Variants in ARHGEF26 observed in about 807,000 individuals in gnomAD.
ARHGEF26 encodes Rho guanine nucleotide exchange factor 26.
A neutral mutation model predicts 89.4 loss-of-function variants in ARHGEF26; 59 were observed. The ratio of observed to expected loss-of-function variants is 0.66; its 90% confidence interval spans 0.54 to 0.82. ARHGEF26 has a LOEUF of 0.82. ARHGEF26 is among the 40% of genes least tolerant of loss of function. ARHGEF26 has a pLI of 0.00. For synonymous variants in ARHGEF26, 500 were observed against 428.4 expected (o/e 1.17, Z -2.06); for missense variants, 1,234 against 1,085.6 (o/e 1.14, Z -1.92).
rs1489435575 is a variant in ARHGEF26, at chr3:154,206,941, A to G, written c.1846-10928A>G. Among the ~76,000 whole-genome samples the G allele has an allele frequency of 2.0e-5, 3 of 152,074 alleles. No individual in the cohort carries two copies. The East Asian group carries it at 5.8e-4, about 29-fold the overall frequency. On this transcript the variant is annotated intron_variant, in intron 9 of 14. Transcript: ENST00000465093. Reference sequence around the variant, plus strand: ...CAAAGACCAATGGAATAGATAGAGAAACCAAAAATAAGACCATACACCTAC... The same window carrying G: ...CAAAGACCAATGGAATAGATAGAGAGACCAAAAATAAGACCATACACCTAC...
chr3:154,150,054 A>G, intron 5 of ARHGEF26, among the ~76,000 whole-genome samples: 1 of 140,232 alleles, frequency 7.1e-6, no homozygotes. Flanking sequence ...CTTCCTGCAT[A>G]TTATTGTGTG....
At chr3:154,135,976 T>A (rs1718978276) in intron 4 of ARHGEF26, among the ~76,000 whole-genome samples, 1 of 152,198 alleles carries the variant, frequency 6.6e-6, no homozygotes, top group Admixed American at 6.5e-5. Flanking sequence ...TTGCCAGCTG[T>A]GCCCTGACCT....
rs557901822 is a variant in ARHGEF26, at chr3:154,122,945, G to A, written c.953G>A (p.Arg318His). The A allele has an allele frequency of 1.9e-6, 3 of 1,613,542 alleles. No individual in the cohort carries two copies. In the Admixed American group the frequency reaches 5.0e-5, roughly 27 times the overall value. The change falls in exon 2 of 15, where the codon CGC becomes CAC. Residue 318 changes from arginine (R) to histidine (H), a missense_variant. By Grantham distance (29) the Arg-to-His change is conservative. Coordinates refer to ENST00000465093, the MANE Select transcript of ARHGEF26 (RefSeq NM_015595.4). ...LRRGLRSTSY[R>H]RAVVSGFDFD... ...AGAGGCTTGCGGTCCACGTCTTATC[G>A]CAGGGCAGTGGTCAGTGGCTTTGAT...
chr3:154,147,314 G>A (rs925653462), intron 4 of ARHGEF26, among the ~76,000 whole-genome samples: 1 of 152,228 alleles, frequency 6.6e-6, no homozygotes, highest in Non-Finnish European at 1.5e-5. Flanking sequence ...AGGAGGCTGA[G>A]GCAGGAGAAT....
rs1351340073 is a variant in ARHGEF26 at position 154,138,940 on chromosome 3, AT to A, written c.1269+9223del. On this transcript the variant is annotated intron_variant, in intron 4 of 14. Coordinates refer to ENST00000465093, the MANE Select transcript of ARHGEF26 (RefSeq NM_015595.4). ...TCCCATAGATAAATGCATAATTACT[AT>A]TGTGGTAAAGCTGTGAATGACTTAC... 2.0e-5 allele frequency among the ~76,000 whole-genome samples: 3 copies of A among 152,290 alleles called. No homozygotes were observed. In the East Asian group the frequency reaches 5.8e-4, roughly 29 times the overall value.
intron 6 of ARHGEF26, among the ~76,000 whole-genome samples, chr3:154,185,147 T>C (rs775683161): frequency 2.6e-5 from 4 of 152,188 alleles, no homozygotes; most frequent in Non-Finnish European, 4.4e-5. Context: ...ACCATACTTC[T>C]GACACCAAAT....
chr3:154,146,596 A>T (rs1171424583), intron 4 of ARHGEF26, among the ~76,000 whole-genome samples: 1 of 152,244 alleles, frequency 6.6e-6, no homozygotes, highest in Non-Finnish European at 1.5e-5. Flanking sequence ...TGCAAAATAT[A>T]TCAGTTATAA....
In ARHGEF26 at chr3:154,121,462, C is replaced by T. The variant is rs558234837; in HGVS notation, c.-109C>T. ...CGCGGCTGCGCTTCGGTCCCGGACC[C>T]GGGCCACCCACGGGGTAGTGGGTGC... On this transcript the variant is annotated 5_prime_UTR_variant, in exon 1 of 15. Coordinates refer to ENST00000465093, the MANE Select transcript of ARHGEF26 (RefSeq NM_015595.4). 123 of 152,654 alleles carry T rather than the reference C, an allele frequency of 8.1e-4. 1 individual carries two copies. The highest frequency in any genetic ancestry group is 2.8e-3 in the African/African-American group (117 of 41,576). 9.5% of individuals were successfully genotyped at this position (152,654 alleles called of 1,614,324 possible).
At chr3:154,227,905 T>C (rs1716590537) in intron 11 of ARHGEF26, among the ~76,000 whole-genome samples, 1 of 152,196 alleles carries the variant, frequency 6.6e-6, no homozygotes, top group East Asian at 1.9e-4. Flanking sequence ...AATGAAAATA[T>C]TAAAGGTATT....
Position 154,238,783 on chromosome 3 carries a change from T to A in ARHGEF26, c.2091-1587T>A, listed in dbSNP as rs556199965. Among the ~76,000 whole-genome samples the A allele has an allele frequency of 5.0e-4, 76 of 152,322 alleles. 1 individual carries two copies. In the South Asian group the frequency reaches 6.0e-3, roughly 12 times the overall value. ...GGTGCAGAGTAGAGGAAAAGCTGTA[T>A]GTCACCAGGTTCGGGATTTGCCAGG... On this transcript the variant is annotated intron_variant, in intron 11 of 14. Coordinates refer to ENST00000465093, the MANE Select transcript of ARHGEF26 (RefSeq NM_015595.4).
At chr3:154,186,960 C>T (rs1713600333) in intron 6 of ARHGEF26, among the ~76,000 whole-genome samples, 1 of 117,962 alleles carries the variant, frequency 8.5e-6, no homozygotes, top group African/African-American at 3.2e-5. Flanking sequence ...GGCGTGATCT[C>T]GGCTCACTGC....
At chr3:154,209,631 C>G (rs2108228711) in intron 9 of ARHGEF26, among the ~76,000 whole-genome samples, 1 of 152,320 alleles carries the variant, frequency 6.6e-6, no homozygotes, top group Admixed American at 6.5e-5. Context: ...TCTGAGTCAC[C>G]TAAAGATGAG....
chr3:154,130,462 A>G (rs1032548773), intron 4 of ARHGEF26, among the ~76,000 whole-genome samples: 1 of 152,102 alleles, frequency 6.6e-6, no homozygotes, highest in Non-Finnish European at 1.5e-5. Flanking sequence ...ATTTAATTTG[A>G]TATAGAAATG....
chr3:154,256,257 CTG>C lies in ARHGEF26; in HGVS notation c.*786_*787del. The C allele has an allele frequency of 1.0e-6, 1 of 985,270 alleles. No individual in the cohort carries two copies. Among genetic ancestry groups the C allele is most frequent in the South Asian group, 4.7e-5 (1 of 21,292 alleles). The allele number at this position is 985,270 out of a possible 1,614,324, so 61.0% of individuals were successfully genotyped here. On this transcript the variant is annotated 3_prime_UTR_variant, in exon 15 of 15. Coordinates refer to ENST00000465093, the MANE Select transcript of ARHGEF26 (RefSeq NM_015595.4). The stretch of plus-strand genomic sequence containing the variant: ...AGGGGTCCTACTTTTTTCCCCACCT[CTG>C]TCGCCCAGGCTAGAGTATAGTGGTG...
chr3:154,185,937 T>C (rs377062325), intron 6 of ARHGEF26, among the ~76,000 whole-genome samples: 1 of 152,296 alleles, frequency 6.6e-6, no homozygotes, highest in South Asian at 2.1e-4. Context: ...CAAATACTTA[T>C]TATTACCACA....
chr3:154,215,147 C>T (rs1466282273), intron 9 of ARHGEF26, among the ~76,000 whole-genome samples: 2 of 152,184 alleles, frequency 1.3e-5, no homozygotes, highest in Non-Finnish European at 2.9e-5. Flanking sequence ...CGTGGCCTAT[C>T]TCTTTTGGCT....
intron 12 of ARHGEF26, among the ~76,000 whole-genome samples, chr3:154,246,200 A>G (rs1242551077): frequency 6.6e-6 from 1 of 152,166 alleles, no homozygotes. Context: ...CTTGAGTGAA[A>G]AGGAGGAGTC....
In ARHGEF26 at chr3:154,225,991, A is replaced by G; in HGVS notation, c.2071A>G (p.Ile691Val). Residue 691 changes from isoleucine to valine, a missense_variant, in exon 11 of 15, where the codon ATT (isoleucine) becomes GTT (valine). By Grantham distance (29) the Ile-to-Val change is conservative. Transcript: ENST00000465093. ...CTTCTTTCTCTTTAACGATGTGCTCATTATCACCAAGAAGAAGAGGTAAGT... is the reference window on the plus strand; with the variant it reads ...CTTCTTTCTCTTTAACGATGTGCTCGTTATCACCAAGAAGAAGAGGTAAGT... ...VYFFLFNDVL[I>V]ITKKKSEESY... 2.5e-6 allele frequency: 4 copies of G among 1,611,190 alleles called. No homozygotes were observed. The highest frequency in any genetic ancestry group is 1.3e-5 in the African/African-American group (1 of 74,840).
intron 4 of ARHGEF26, among the ~76,000 whole-genome samples, chr3:154,132,707 T>G: frequency 6.6e-6 from 1 of 152,032 alleles, no homozygotes; most frequent in East Asian, 1.9e-4. Flanking sequence ...ATATATATAT[T>G]CAGCTTTAAT....
Sources: allele counts gnomAD v4.1 joint callset (sites outside exome capture counted in the v4.1 genomes callset), GRCh38; gene constraint gnomAD v4.1.1; transcripts MANE v1.5; gene names NCBI Gene and HGNC (gene_info 2026-07-23, HGNC 2026-07-21).